The following ACACA variants were observed in gnomAD, a reference collection of about 807,000 sequenced individuals.
ACACA encodes the protein acetyl-CoA carboxylase alpha.
Under a neutral mutation model 296.1 loss-of-function variants are expected in ACACA, and 103 were observed. The ratio of observed to expected loss-of-function variants is 0.35; its 90% CI spans 0.30 to 0.41. The LOEUF (loss-of-function observed/expected upper bound fraction) is 0.41. Among genes scored for constraint, ACACA ranks in the 10% least tolerant of loss-of-function variants. The pLI is 1.00. For synonymous variants in ACACA, 953 were observed against 1,038.6 expected, an observed-to-expected ratio of 0.92 and a Z score of 1.58; for missense variants, 1,554 against 2,989.7, an observed-to-expected ratio of 0.52 and a Z score of 11.20.
intron 47 of ACACA, among the ~76,000 whole-genome samples, chr17:37,126,964 T>C (rs887203892): frequency 6.6e-6 from 1 of 152,236 alleles, no homozygotes; most frequent in Non-Finnish European, 1.5e-5. Context: ...CAGGGAATCA[T>C]CTGCTTTCTT....
chr17:37,183,844 A>T (rs2077420515), intron 39 of ACACA, among the ~76,000 whole-genome samples: 1 of 144,300 alleles, frequency 6.9e-6, no homozygotes. Flanking sequence ...CTAGAGTTTC[A>T]GTCCTTTTTT....
rs185794877 is a variant in ACACA at position 37,229,502 on chromosome 17, A to T, written c.3247-3050T>A. 7.8e-3 allele frequency among the ~76,000 whole-genome samples: 1,186 copies of T among 151,632 alleles called. 5 individuals are homozygous for T. The highest frequency in any genetic ancestry group is 0.011 in the Non-Finnish European group (755 of 67,898). ...GTATTTTTAGTAGAGATGGGGTTTC[A>T]CCGTGTTAACCAGGATGGTATCGAT... On this transcript the variant is annotated intron_variant, in intron 25 of 55. Transcript: ENST00000616317.
Position 37,365,807 on chromosome 17 carries a change from C to A in ACACA, c.39-25957G>T, listed in dbSNP as rs981888554. ...GGACAGCATGAGTAGTAGAGACTCC[C>A]CACGATGTTTTCACATGGACACAGG... On this transcript the variant is annotated intron_variant, in intron 1 of 55. Coordinates refer to ENST00000616317, the MANE Select transcript of ACACA (RefSeq NM_198834.3). 1.0e-5 allele frequency: 9 copies of A among 887,228 alleles called. 1 individual carries two copies. The African/African-American group carries it at 1.6e-4, about 16-fold the overall frequency. 55.0% of individuals were successfully genotyped at this position (887,228 alleles called of 1,614,324 possible).
At chr17:37,235,517 T>C (rs912472557) in intron 24 of ACACA, among the ~76,000 whole-genome samples, 23 of 152,304 alleles carry the variant, frequency 1.5e-4, no homozygotes, top group African/African-American at 5.5e-4. Flanking sequence ...TAAAAAGAAA[T>C]GTAAATATCA....
rs973849357 is a variant in ACACA at position 37,087,157 on chromosome 17, C to T, written c.*159G>A. The T allele has an allele frequency of 7.1e-6, 7 of 979,754 alleles. No individual in the cohort carries two copies. The African/African-American group carries it at 1.1e-4, about 16-fold the overall frequency. The allele number at this position is 979,754 out of a possible 1,614,324, so 60.7% of individuals were successfully genotyped here. Reference sequence around the variant, plus strand: ...GGAGGGGGATTCTGTGATCTTACATCCCAGGATGTCATGCATAACCTGAAA... The same window carrying T: ...GGAGGGGGATTCTGTGATCTTACATTCCAGGATGTCATGCATAACCTGAAA... On this transcript the variant is annotated 3_prime_UTR_variant, in exon 56 of 56. Coordinates refer to ENST00000616317, the MANE Select transcript of ACACA (RefSeq NM_198834.3).
intron 11 of ACACA, among the ~76,000 whole-genome samples, chr17:37,260,523 C>G (rs906932245): frequency 2.0e-5 from 3 of 151,142 alleles, no homozygotes; most frequent in Non-Finnish European, 4.4e-5. Context: ...AGGCTGGTCT[C>G]GAACTCTTGA....
At chr17:37,392,656 C>A (rs1201042342) in intron 1 of ACACA, 6 of 151,370 alleles carry the variant, frequency 4.0e-5, no homozygotes, top group African/African-American at 1.5e-4. Flanking sequence ...TTTCTTAGTT[C>A]TCTGGTTAAA....
chr17:37,221,409 T>C (rs892939350), intron 29 of ACACA: 2 of 388,408 alleles, frequency 5.1e-6, no homozygotes, highest in African/African-American at 4.1e-5. Flanking sequence ...AGAGTGATTT[T>C]TCTGGCAAAG....
At chr17:37,312,755 G>A (rs926105380) in intron 3 of ACACA, among the ~76,000 whole-genome samples, 2 of 152,110 alleles carry the variant, frequency 1.3e-5, no homozygotes, top group South Asian at 2.1e-4. Flanking sequence ...AGCTGGGCCC[G>A]GTGGCTCACA....
intron 1 of ACACA, chr17:37,376,056 A>T: frequency 6.4e-7 from 1 of 1,568,652 alleles, no homozygotes; most frequent in Non-Finnish European, 8.8e-7. Context: ...ACAGATGAGC[A>T]GTGGTCTGTC....
chr17:37,100,510 CA>C (rs1265593866), intron 52 of ACACA, among the ~76,000 whole-genome samples: 4 of 150,398 alleles, frequency 2.7e-5, no homozygotes, highest in Non-Finnish European at 1.5e-5. Context: ...GCTCACTCTT[CA>C]AAAATGTGAA....
At chr17:37,176,076 TA>T (rs1246695610) in intron 41 of ACACA, among the ~76,000 whole-genome samples, 1 of 152,148 alleles carries the variant, frequency 6.6e-6, no homozygotes, top group Non-Finnish European at 1.5e-5. Flanking sequence ...CCTTTTTACC[TA>T]TTTACTGTCC....
chr17:37,299,046 T>C (rs1205092782), intron 3 of ACACA, among the ~76,000 whole-genome samples: 1 of 152,152 alleles, frequency 6.6e-6, no homozygotes, highest in Non-Finnish European at 1.5e-5. Context: ...TCAACGTAGC[T>C]AAAATATCAC....
At chr17:37,112,374 A>G (rs1203807614) in intron 51 of ACACA, among the ~76,000 whole-genome samples, 2 of 152,202 alleles carry the variant, frequency 1.3e-5, no homozygotes, top group Non-Finnish European at 2.9e-5. Context: ...CAACAATCCT[A>G]TGCCCAGTCT....
At chr17:37,390,308 A>ATT (rs2050793937) in intron 1 of ACACA, among the ~76,000 whole-genome samples, 2 of 45,440 alleles carry the variant, frequency 4.4e-5, no homozygotes, top group South Asian at 1.3e-3. Flanking sequence ...ACATAATTAT[A>ATT]TATATATATA....
In ACACA at chr17:37,284,906, G is replaced by T; in HGVS notation, c.403C>A (p.Arg135=). 3 of 1,614,086 alleles carry T rather than the reference G, an allele frequency of 1.9e-6. No individual in the cohort carries two copies. Among genetic ancestry groups the T allele is most frequent in the Non-Finnish European group, 2.5e-6 (3 of 1,180,020 alleles). Residue 135 remains arginine (R), a synonymous_variant, in exon 4 of 56, where the codon CGA becomes AGA. Coordinates refer to ENST00000616317, the MANE Select transcript of ACACA (RefSeq NM_198834.3). ...GCTGGAGAAGCCACAGTGAAATCTC[G>T]TTGAGAATCTATTTTCTTTCTGTCT... ...GRDRKKIDSQ[R]DFTVASPAEF...
intron 41 of ACACA, among the ~76,000 whole-genome samples, chr17:37,174,018 A>ATT (rs2077008643): frequency 3.9e-4 from 6 of 15,432 alleles, no homozygotes; most frequent in African/African-American, 1.1e-3. Context: ...ATATATATAT[A>ATT]TATTTTTTTT....
intron 1 of ACACA, among the ~76,000 whole-genome samples, chr17:37,355,740 C>G (rs953284636): frequency 6.6e-6 from 1 of 151,738 alleles, no homozygotes; most frequent in Non-Finnish European, 1.5e-5. Flanking sequence ...TGCCTGTAAT[C>G]CCAGCTACTC....
intron 1 of ACACA, chr17:37,392,827 GAT>G (rs1257920871): frequency 2.0e-5 from 3 of 152,108 alleles, no homozygotes; most frequent in Non-Finnish European, 4.4e-5. Context: ...GGATAATGAG[GAT>G]ATGTTTCAAA....
Sources: gnomAD v4.1 joint callset for allele counts (sites outside exome capture counted in the v4.1 genomes callset) on GRCh38, gnomAD v4.1.1 for gene constraint, MANE v1.5 for transcripts, NCBI Gene and HGNC (gene_info 2026-07-23, HGNC 2026-07-21) for gene names.